The following HDAC7 variants were observed in gnomAD, a reference collection of about 807,000 sequenced individuals.
HDAC7 encodes histone deacetylase 7A.
In HDAC7, 26 loss-of-function variants were observed where a neutral mutation model predicts 115.5. The ratio of observed to expected loss-of-function variants is 0.23; its 90% CI spans 0.16 to 0.31. The LOEUF is 0.31. HDAC7 is among the 10% of genes least tolerant of loss of function. The probability of loss-of-function intolerance (pLI) is 1.00; values close to 1 mark genes in which losing one functional copy is unlikely to be tolerated. For missense variants in HDAC7, 1,068 were observed against 1,329.0 expected (o/e 0.80, Z 3.05); for synonymous variants, 564 against 550.9 (o/e 1.02, Z -0.33).
chr12:47,790,864 A>T (rs189698212), intron 16 of HDAC7: 4 of 268,702 alleles, frequency 1.5e-5, no homozygotes, highest in African/African-American at 9.1e-5. Context: ...AGGCAGCCCA[A>T]GGTCTGGGGA....
At position 47,799,024 on chromosome 12, in the gene HDAC7, C is replaced by A; in HGVS notation, c.71-52G>T. 3 of 1,276,286 alleles carry A rather than the reference C, an allele frequency of 2.4e-6. No individual in the cohort carries two copies. In the South Asian group the frequency reaches 5.0e-5, roughly 21 times the overall value. 79.1% of individuals were successfully genotyped at this position (1,276,286 alleles called of 1,614,324 possible). Reference sequence around the variant, plus strand: ...AAACTGGAAAGTTTGTCCTCGGGGGCATGATACAGCCTGATCCCCCCTCAG... The same window carrying A: ...AAACTGGAAAGTTTGTCCTCGGGGGAATGATACAGCCTGATCCCCCCTCAG... On this transcript the variant is annotated intron_variant, in intron 2 of 25. Coordinates refer to ENST00000080059, the MANE Select transcript of HDAC7 (RefSeq NM_015401.5).
intron 12 of HDAC7, among the ~76,000 whole-genome samples, chr12:47,794,297 G>A (rs1204303759): frequency 1.1e-4 from 16 of 152,220 alleles, no homozygotes; most frequent in Admixed American, 1.0e-3. Flanking sequence ...ACTGTGAGAT[G>A]GTAAATGCCT....
In HDAC7 at chr12:47,797,058, G is replaced by T; in HGVS notation, c.662C>A (p.Ala221Glu). 1 of 1,601,122 alleles carries T rather than the reference G, an allele frequency of 6.2e-7. No homozygotes were observed. Among genetic ancestry groups the T allele is most frequent in the South Asian group, 1.1e-5 (1 of 89,376 alleles). Reference sequence around the variant, plus strand: ...GGGCCGCCGCCGGAGGCTGGGGGGCGCACTCTCCTTTCGGAGCAGTGGATT... The same window carrying T: ...GGGCCGCCGCCGGAGGCTGGGGGGCTCACTCTCCTTTCGGAGCAGTGGATT... ...RKNPLLRKES[A>E]PPSLRRRPAE... Residue 221 changes from alanine to glutamate, a missense_variant, in exon 7 of 26, where the codon GCG becomes GAG. Physicochemically the swap from Ala to Glu is moderately radical, Grantham distance 107. Around this residue, in one of 6 missense-constraint regions of HDAC7, gnomAD observed 618 missense variants for 701.5 expected, o/e 0.88. Coordinates refer to ENST00000080059, the MANE Select transcript of HDAC7 (RefSeq NM_015401.5). The surrounding 1 kb of genome is among the most constrained non-coding windows in gnomAD (Gnocchi z 5.5).
At chr12:47,789,742 G>T in intron 17 of HDAC7, 71 bp downstream of exon 17, 2 of 1,403,444 alleles carry the variant, frequency 1.4e-6, no homozygotes, top group Non-Finnish European at 2.0e-6. Context: ...GGGGTTCTGG[G>T]CCTGGATTCC....
At chr12:47,792,540 G>A (rs777975069) in intron 13 of HDAC7, 34 of 426,806 alleles carry the variant, frequency 8.0e-5, no homozygotes, top group Admixed American at 3.0e-4. Flanking sequence ...AGTCTGACCC[G>A]TGGGAAGTCT....
Position 47,798,575 on chromosome 12 carries a change from G to A in HDAC7, c.336C>T (p.Asp112=), listed in dbSNP as rs918326856. The A allele has an allele frequency of 5.0e-6, 8 of 1,613,822 alleles. No individual in the cohort carries two copies. The highest frequency in any genetic ancestry group is 1.3e-5 in the African/African-American group (1 of 74,938). The change falls in exon 4 of 26, where the codon GAC becomes GAT. Residue 112 remains aspartate (D), a synonymous_variant. Transcript: ENST00000080059. The surrounding 1 kb of genome is among the most constrained non-coding windows in gnomAD (Gnocchi z 4.3). ...CCACCTCCTTACTTCGCTTGCTCTT[G>A]TCCTTGTGGAGAAGCTGCCGCAGCT... ...EQELRQLLHK[D]KSKRSAVASS...
At chr12:47,811,833 A>G (rs1944681707) in intron 1 of HDAC7, among the ~76,000 whole-genome samples, 4 of 152,126 alleles carry the variant, frequency 2.6e-5, no homozygotes, top group Admixed American at 2.0e-4. Context: ...GCCCCTCCTG[A>G]GTCTCGCCAA....
In HDAC7 at chr12:47,798,242, G is replaced by C. The variant is rs1006341533; in HGVS notation, c.350-23C>G. 6.3e-7 allele frequency: 1 copy of C among 1,585,354 alleles called. No individual in the cohort carries two copies. Among genetic ancestry groups the C allele is most frequent in the Admixed American group, 1.7e-5 (1 of 59,958 alleles). ...CACCTGTAGGGGCAGAGTCAGGAGG[G>C]GGCTGGAGGTGGGTGGACAGGCGGC... is the stretch of plus-strand genomic sequence containing the variant. On this transcript the variant is annotated intron_variant, in intron 4 of 25. Coordinates refer to ENST00000080059, the MANE Select transcript of HDAC7 (RefSeq NM_015401.5). The surrounding 1 kb of genome is among the most constrained non-coding windows in gnomAD (Gnocchi z 4.3).
chr12:47,789,397 A>G (rs1238355146), intron 18 of HDAC7, 49 bp from the exon 19 acceptor site: 1 of 1,581,256 alleles, frequency 6.3e-7, no homozygotes, highest in Admixed American at 1.7e-5. Context: ...ACATGCCCTC[A>G]CCTCCCCAGG....
rs772018328 is a variant in HDAC7, at chr12:47,798,081, C to T, written c.461+27G>A. ...CGGGGGTGGAGGGTGCATGTGGGGA[C>T]AGGAGGGCAGGTGAGGAGGGTGTTA... On this transcript the variant is annotated intron_variant, in intron 5 of 25. Coordinates refer to ENST00000080059, the MANE Select transcript of HDAC7 (RefSeq NM_015401.5). This position sits in a 1 kb window ranked among gnomAD's most constrained non-coding sequence, Gnocchi z 4.3. 6 of 1,525,224 alleles carry T rather than the reference C, an allele frequency of 3.9e-6. No homozygotes were observed. In the East Asian group the frequency reaches 1.1e-4, roughly 29 times the overall value. 94.5% of individuals were successfully genotyped at this position (1,525,224 alleles called of 1,614,324 possible). A position where few individuals can be genotyped will look rare whatever the true frequency, so the allele number is the denominator to read the frequency against.
intron 1 of HDAC7, among the ~76,000 whole-genome samples, chr12:47,811,789 G>A (rs1459408355): frequency 6.6e-6 from 1 of 152,316 alleles, no homozygotes; most frequent in South Asian, 2.1e-4. Flanking sequence ...TATATCCTCT[G>A]AGGTTCCGTG....
intron 1 of HDAC7, among the ~76,000 whole-genome samples, chr12:47,810,930 C>T (rs772217978): frequency 5.9e-5 from 9 of 152,052 alleles, no homozygotes; most frequent in Non-Finnish European, 1.3e-4. Flanking sequence ...AAAGGGAGCA[C>T]CTACCTTCAG....
intron 7 of HDAC7, 128 bp from the exon 8 acceptor site, chr12:47,796,426 C>CTTTT (rs35550737): frequency 0.15 from 68,698 of 450,756 alleles, 4,118 homozygotes; most frequent in African/African-American, 0.17. Flanking sequence ...TTCCTGCTTT[C>CTTTT]TTTTTTTTTT....
At chr12:47,790,128 C>T in intron 16 of HDAC7, 1 of 583,652 alleles carries the variant, frequency 1.7e-6, no homozygotes, top group Non-Finnish European at 3.1e-6. Flanking sequence ...AGTCCCAGCA[C>T]CAGCCCATTA....
rs775153922 is a variant in HDAC7, at chr12:47,787,749, G to A, written c.2416C>T (p.Pro806Ser). Reference sequence around the variant, plus strand: ...AGGTACTCAGGATCCCCCATGGGGGGGTCCAGACCTCCAGCCCAGGCCACA... The same window carrying A: ...AGGTACTCAGGATCCCCCATGGGGGAGTCCAGACCTCCAGCCCAGGCCACA... ...VNVAWAGGLD[P>S]PMGDPEYLAA... Residue 806 changes from proline (P) to serine (S), a missense_variant, in exon 21 of 26, where the codon CCC (proline) becomes TCC (serine). Transcript: ENST00000080059. The A allele has an allele frequency of 1.1e-5, 18 of 1,612,402 alleles. No individual in the cohort carries two copies. The South Asian group carries it at 1.4e-4, about 13-fold the overall frequency.
Position 47,798,740 on chromosome 12 carries a change from G to A in HDAC7, c.258+45C>T, listed in dbSNP as rs1164854357. On this transcript the variant is annotated intron_variant, in intron 3 of 25. Coordinates refer to ENST00000080059, the MANE Select transcript of HDAC7 (RefSeq NM_015401.5). The surrounding 1 kb of genome is among the most constrained non-coding windows in gnomAD (Gnocchi z 4.3). The stretch of plus-strand genomic sequence containing the variant: ...GGATGCTGAAGGCGGGGAGGCTGGG[G>A]ACCAAGCTCAAGGTGGCCCCACATG... 1 of 1,556,766 alleles carries A rather than the reference G, an allele frequency of 6.4e-7. No homozygotes were observed. The highest frequency in any genetic ancestry group is 2.4e-5 in the East Asian group (1 of 41,376).
At chr12:47,820,356 C>A (rs931172217), upstream of HDAC7, 1 of 152,546 alleles carries the variant, frequency 6.6e-6, no homozygotes, top group Admixed American at 6.5e-5. The surrounding 1 kb of genome is among the most constrained non-coding windows in gnomAD (Gnocchi z 4.3). Flanking sequence ...CACTACATAC[C>A]CGTACAGCCC....
At chr12:47,796,647 C>G (rs1943863925) in intron 7 of HDAC7, among the ~76,000 whole-genome samples, 1 of 152,142 alleles carries the variant, frequency 6.6e-6, no homozygotes, top group Non-Finnish European at 1.5e-5. Context: ...TGGTCTCAAA[C>G]TCCTAACCTC....
Position 47,797,003 on chromosome 12 carries a change from C to A in HDAC7, c.703+14G>T. The stretch of plus-strand genomic sequence containing the variant: ...TTTGAGGATGGCAACCGCACTGGCT[C>A]AGCCGGCCCTCACCTCCGAGGGTCT... On this transcript the variant is annotated intron_variant, in intron 7 of 25. Transcript: ENST00000080059. This position sits in a 1 kb window ranked among gnomAD's most constrained non-coding sequence, Gnocchi z 5.5. 6.5e-7 allele frequency: 1 copy of A among 1,532,214 alleles called. No individual in the cohort carries two copies. Among genetic ancestry groups the A allele is most frequent in the South Asian group, 1.3e-5 (1 of 77,784 alleles). 94.9% of individuals were successfully genotyped at this position (1,532,214 alleles called of 1,614,324 possible).
Sources: gnomAD v4.1 joint callset for allele counts (sites outside exome capture counted in the v4.1 genomes callset) on GRCh38, gnomAD v4.1.1 for gene constraint, gnomAD v4.1.1 regional missense constraint, Gnocchi (gnomAD v3.1) non-coding constraint, MANE v1.5 for transcripts, NCBI Gene and HGNC (gene_info 2026-07-23, HGNC 2026-07-21) for gene names.